The following CLUH variants were observed in gnomAD, a reference collection of about 807,000 sequenced individuals.
CLUH encodes the protein clustered mitochondria protein homolog.
A neutral mutation model predicts 139.3 loss-of-function variants in CLUH; 77 were observed. That is an observed-to-expected ratio of 0.55 (90% CI 0.46 to 0.67). CLUH has a LOEUF of 0.67. Ranked by LOEUF, CLUH falls within the 30% of genes least tolerant of loss-of-function variation. The probability of loss-of-function intolerance (pLI) is 0.00; values close to 1 mark genes in which losing one functional copy is unlikely to be tolerated. For synonymous variants in CLUH, 999 were observed against 801.6 expected (o/e 1.25, Z -4.16); for missense variants, 1,876 against 1,875.8 (o/e 1.00, Z 0.00).
Position 2,695,402 on chromosome 17 carries a change from G to T in CLUH, c.2516C>A (p.Pro839Gln), listed in dbSNP as rs975239141. The change falls in exon 14 of 26, where the codon CCG (proline) becomes CAG (glutamine). Residue 839 changes from proline to glutamine, a missense_variant. Physicochemically the swap from Pro to Gln is moderately conservative, Grantham distance 76. This residue lies in a region of CLUH where 1,454 missense variants were observed against 1,384.4 expected (regional missense o/e 1.05). Transcript: ENST00000651024. ...GKVLELVLRS[P>Q]ARHQLDHVFK... ...GACGTGGTCCAGCTGGTGGCGGGCC[G>T]GGCTCCGCAGCACCAGCTCCAGCAC... 2.2e-5 allele frequency: 36 copies of T among 1,612,678 alleles called. No individual in the cohort carries two copies. The highest frequency in any genetic ancestry group is 2.7e-5 in the Non-Finnish European group (32 of 1,179,684).
At chr17:2,692,733 G>C in intron 20 of CLUH, 37 bp from the exon 21 acceptor site, 1 of 1,601,786 alleles carries the variant, frequency 6.2e-7, no homozygotes. Context: ...GGTGGCCGCG[G>C]ACCCAGCCCC....
In CLUH at chr17:2,698,573, G is replaced by C. The variant is rs370781605; in HGVS notation, c.1284C>G (p.Thr428=). 1 of 1,605,372 alleles carries C rather than the reference G, an allele frequency of 6.2e-7. No homozygotes were observed. Among genetic ancestry groups the C allele is most frequent in the South Asian group, 1.1e-5 (1 of 90,206 alleles). Residue 428 remains threonine (T), a synonymous_variant, in exon 10 of 26, where the codon ACC becomes ACG. Transcript: ENST00000651024. ...RAIFKVHSDF[T]AAATRGAMAV... ...CCATGGCGCCCCTGGTGGCTGCCGC[G>C]GTGAAGTCGCTGTGCACCTGGCGGG...
chr17:2,691,596 G>A lies in CLUH; in HGVS notation c.3863+13C>T, dbSNP rs1354883540. The A allele has an allele frequency of 2.5e-6, 4 of 1,610,440 alleles. No homozygotes were observed. Among genetic ancestry groups the A allele is most frequent in the African/African-American group, 2.7e-5 (2 of 74,890 alleles). On this transcript the variant is annotated intron_variant, in intron 25 of 25. Transcript: ENST00000651024. ...CCCAACCGGGAGACACTCGAGTGGG[G>A]CGGAGGCCTCACCTGAGAGGAATGA... is the stretch of plus-strand genomic sequence containing the variant.
At chr17:2,702,728 T>C (rs1422442534) in intron 3 of CLUH, among the ~76,000 whole-genome samples, 1 of 151,536 alleles carries the variant, frequency 6.6e-6, no homozygotes, top group Admixed American at 6.6e-5. Context: ...CGTTTGGGAC[T>C]TCTCATGGAT....
At position 2,707,870 on chromosome 17, in the gene CLUH, G is replaced by T; in HGVS notation, c.101-3306C>A. 1.8e-5 allele frequency: 18 copies of T among 985,468 alleles called. No homozygotes were observed. The highest frequency in any genetic ancestry group is 2.2e-5 in the Non-Finnish European group (18 of 829,938). 61.0% of individuals were successfully genotyped at this position (985,468 alleles called of 1,614,324 possible). A position where few individuals can be genotyped will look rare whatever the true frequency, so the allele number is the denominator to read the frequency against. On this transcript the variant is annotated intron_variant, in intron 1 of 25. Coordinates refer to ENST00000651024, the MANE Select transcript of CLUH (RefSeq NM_001366661.1). This position sits in a 1 kb window ranked among gnomAD's most constrained non-coding sequence, Gnocchi z 7.4. ...CCTGGCTGCCAGCCCCTTCCTGGGA[G>T]TCACTGGTTCTGGTGGAAGGGAGGG...
chr17:2,695,850 A>C, intron 13 of CLUH: 1 of 577,562 alleles, frequency 1.7e-6, no homozygotes, highest in Non-Finnish European at 3.1e-6. Flanking sequence ...AACCAGACAC[A>C]GAGCCTGCGG....
At chr17:2,692,313 C>A (rs746469206) in intron 22 of CLUH, 48 bp downstream of exon 22, 37 of 1,491,826 alleles carry the variant, frequency 2.5e-5, no homozygotes, top group Non-Finnish European at 3.3e-5. Flanking sequence ...CCGCCGGCTG[C>A]CCCGCAGGCC....
At position 2,694,523 on chromosome 17, in the gene CLUH, T is replaced by C; in HGVS notation, c.2894A>G (p.Lys965Arg). ...CGAGATCTCCCGCAGGAGCGTTATC[T>C]TCTGCAGGCCGTAGGTCTCCACAGC... ...DQAVETYGLQKITLLREISLK... is the reference protein window; with the variant it reads ...DQAVETYGLQRITLLREISLK... The change falls in exon 17 of 26, where the codon AAG becomes AGG. Residue 965 changes from lysine to arginine, a missense_variant. Physicochemically the swap from Lys to Arg is conservative, Grantham distance 26. This residue lies in a region of CLUH where 1,454 missense variants were observed against 1,384.4 expected (regional missense o/e 1.05). Transcript: ENST00000651024. 6.3e-7 allele frequency: 1 copy of C among 1,583,904 alleles called. No homozygotes were observed. The highest frequency in any genetic ancestry group is 8.6e-7 in the Non-Finnish European group (1 of 1,165,536).
At chr17:2,692,158 G>C in intron 22 of CLUH, 61 bp from the exon 23 acceptor site, 1 of 1,508,436 alleles carries the variant, frequency 6.6e-7, no homozygotes, top group Non-Finnish European at 9.0e-7. Flanking sequence ...GTGGGGGCCT[G>C]ACTCGGGGGC....
intron 22 of CLUH, 22 bp from the exon 23 acceptor site, chr17:2,692,119 G>A: frequency 6.3e-7 from 1 of 1,579,494 alleles, no homozygotes; most frequent in Non-Finnish European, 8.6e-7. Context: ...CGCGGCGCGG[G>A]GCGAGGGAAG....
rs760175232 is a variant in CLUH, at chr17:2,694,507, C to G, written c.2910G>C (p.Arg970=). 3 of 1,583,762 alleles carry G rather than the reference C, an allele frequency of 1.9e-6. No homozygotes were observed. The highest frequency in any genetic ancestry group is 1.7e-6 in the Non-Finnish European group (2 of 1,165,424). The change falls in exon 17 of 26, where the codon CGG becomes CGC. Residue 970 remains arginine, a synonymous_variant. Transcript: ENST00000651024. ...GGATCCCTGTTTTCAGCGAGATCTC[C>G]CGCAGGAGCGTTATCTTCTGCAGGC... The part of the protein sequence containing the change: ...TYGLQKITLL[R]EISLKTGIQV...
At chr17:2,693,256 T>C (rs1164483874) in intron 19 of CLUH, among the ~76,000 whole-genome samples, 1 of 148,530 alleles carries the variant, frequency 6.7e-6, no homozygotes, top group African/African-American at 2.5e-5. Flanking sequence ...ATTAGCTGGG[T>C]GTGCTGGCTC....
chr17:2,694,690 C>G, intron 16 of CLUH, 126 bp from the exon 17 acceptor site: 2 of 1,331,460 alleles, frequency 1.5e-6, no homozygotes, highest in Non-Finnish European at 2.0e-6. Context: ...CCCCGGGAGC[C>G]TCCCGGCTGC....
In CLUH at chr17:2,706,495, A is replaced by G. The variant is rs1006002961; in HGVS notation, c.101-1931T>C. On this transcript the variant is annotated intron_variant, in intron 1 of 25. Coordinates refer to ENST00000651024, the MANE Select transcript of CLUH (RefSeq NM_001366661.1). This position sits in a 1 kb window ranked among gnomAD's most constrained non-coding sequence, Gnocchi z 4.6. ...AGGACCTTCAGTAACTGTGCATGTC[A>G]TGGCTCTCCACCCCACCCTCTCCAA... Among the ~76,000 whole-genome samples the G allele has an allele frequency of 1.3e-4, 20 of 151,986 alleles. No homozygotes were observed. Among genetic ancestry groups the G allele is most frequent in the African/African-American group, 4.6e-4 (19 of 41,362 alleles).
intron 16 of CLUH, 56 bp downstream of exon 16, chr17:2,694,801 G>T: frequency 6.8e-7 from 1 of 1,461,974 alleles, no homozygotes; most frequent in African/African-American, 1.4e-5. Context: ...GGAGCAGGTG[G>T]TGGCCGCCTC....
chr17:2,704,429 A>G lies in CLUH; in HGVS notation c.236T>C (p.Ile79Thr), dbSNP rs1350059647. 5 of 1,610,416 alleles carry G rather than the reference A, an allele frequency of 3.1e-6. No individual in the cohort carries two copies. Among genetic ancestry groups the G allele is most frequent in the Non-Finnish European group, 4.2e-6 (5 of 1,178,636 alleles). ...AGAAAAGCCCGTGTCCTGAATGACA[A>G]TGACTTCCTGGCCGGTGGTCTCATC... ...PGDETTGQEV[I>T]VIQDTGFSVK... The change falls in exon 2 of 26, where the codon ATT (isoleucine) becomes ACT (threonine). Residue 79 changes from isoleucine (I) to threonine (T), a missense_variant. Ile to Thr is a moderately conservative substitution (Grantham distance 89, BLOSUM62 -1). Around this residue, in one of 3 missense-constraint regions of CLUH, gnomAD observed 152 missense variants for 136.7 expected, o/e 1.11. Coordinates refer to ENST00000651024, the MANE Select transcript of CLUH (RefSeq NM_001366661.1). The surrounding 1 kb of genome is among the most constrained non-coding windows in gnomAD (Gnocchi z 5.7).
At chr17:2,699,411 G>A (rs1040989485) in intron 9 of CLUH, among the ~76,000 whole-genome samples, 3 of 151,988 alleles carry the variant, frequency 2.0e-5, no homozygotes, top group Non-Finnish European at 4.4e-5. Context: ...CTGAAGCCTC[G>A]ACTTCCCCTG....
intron 13 of CLUH, 49 bp downstream of exon 13, chr17:2,696,110 C>G (rs1294326511): frequency 2.1e-6 from 3 of 1,428,774 alleles, no homozygotes; most frequent in Non-Finnish European, 2.9e-6. Flanking sequence ...AGATGAGGGA[C>G]CAGCACCCTC....
At chr17:2,691,442 A>C in intron 25 of CLUH, 167 bp downstream of exon 25, 1 of 671,808 alleles carries the variant, frequency 1.5e-6, no homozygotes, top group Non-Finnish European at 2.6e-6. Context: ...GACACCTGTA[A>C]TCCCAGCTAC....
Sources: gnomAD v4.1 joint callset for allele counts (sites outside exome capture counted in the v4.1 genomes callset) on GRCh38, gnomAD v4.1.1 for gene constraint, gnomAD v4.1.1 regional missense constraint, Gnocchi (gnomAD v3.1) non-coding constraint, MANE v1.5 for transcripts, NCBI Gene and HGNC (gene_info 2026-07-23, HGNC 2026-07-21) for gene names.